The following POLR1F variants were observed in gnomAD, a reference collection of about 807,000 sequenced individuals.
The protein encoded by POLR1F is RNA polymerase I subunit F.
In POLR1F, 23 loss-of-function variants were observed where a neutral mutation model predicts 21.8. The ratio of observed to expected loss-of-function variants is 1.05; its 90% CI spans 0.76 to 1.49. The LOEUF (loss-of-function observed/expected upper bound fraction) is 1.49, where lower values mean the gene tolerates loss of function less well. Ranked by LOEUF, POLR1F falls within the 40% of genes most tolerant of loss-of-function variation. POLR1F has a pLI of 0.00. For synonymous variants in POLR1F, 162 were observed against 152.8 expected, an observed-to-expected ratio of 1.06 and a Z score of -0.45; for missense variants, 435 against 412.1, an observed-to-expected ratio of 1.06 and a Z score of -0.48.
chr7:19,697,626 G>A lies in POLR1F; in HGVS notation c.*690C>T, dbSNP rs1189416401. 2 of 152,258 alleles carry A rather than the reference G, an allele frequency of 1.3e-5. No individual in the cohort carries two copies. The highest frequency in any genetic ancestry group is 2.9e-5 in the Non-Finnish European group (2 of 67,994). 9.4% of individuals were successfully genotyped at this position (152,258 alleles called of 1,614,324 possible). A position where few individuals can be genotyped will look rare whatever the true frequency, so the allele number is the denominator to read the frequency against. ...AACACACAACAAAACTAGAATGGCT[G>A]AGGCACAAATGAACAAGTACAAGAA... On this transcript the variant is annotated 3_prime_UTR_variant, in exon 4 of 4. Transcript: ENST00000222567.
chr7:19,708,715 G>A (rs746073244), intron 1 of POLR1F, 48 bp downstream of exon 1: 1 of 1,574,264 alleles, frequency 6.4e-7, no homozygotes, highest in Non-Finnish European at 8.7e-7. Context: ...ACATCCACCT[G>A]CTTTACTTCC....
At chr7:19,708,732 C>T in intron 1 of POLR1F, 31 bp downstream of exon 1, 1 of 1,586,456 alleles carries the variant, frequency 6.3e-7, no homozygotes, top group Non-Finnish European at 8.6e-7. Flanking sequence ...TTCCCGTGCA[C>T]AAAAGAAGGA....
chr7:19,703,824 C>G (rs1156565968), intron 2 of POLR1F, among the ~76,000 whole-genome samples: 1 of 152,102 alleles, frequency 6.6e-6, no homozygotes, highest in Non-Finnish European at 1.5e-5. Context: ...AAACTCCTGG[C>G]CTCAAGTGAT....
chr7:19,695,488 A>G lies in POLR1F; in HGVS notation c.*2828T>C, dbSNP rs1454609675. 1 of 151,806 alleles carries G rather than the reference A, an allele frequency of 6.6e-6. No homozygotes were observed. Among genetic ancestry groups the G allele is most frequent in the African/African-American group, 2.4e-5 (1 of 41,368 alleles). 9.4% of individuals were successfully genotyped at this position (151,806 alleles called of 1,614,324 possible). A position where few individuals can be genotyped will look rare whatever the true frequency, so the allele number is the denominator to read the frequency against. On this transcript the variant is annotated 3_prime_UTR_variant, in exon 4 of 4. Transcript: ENST00000222567. ...CCATTTGAAACTGTGCTTTTTATTT[A>G]TCAATTTAAAATTATCTGTTGATGC...
chr7:19,699,171 G>C (rs1783418029), intron 3 of POLR1F, among the ~76,000 whole-genome samples: 2 of 152,122 alleles, frequency 1.3e-5, no homozygotes, highest in Non-Finnish European at 2.9e-5. Flanking sequence ...GGAGTTTCCA[G>C]TCTACTATTT....
In POLR1F at chr7:19,698,385, A is replaced by C; in HGVS notation, c.948T>G (p.Ser316Arg). 1.3e-6 allele frequency: 2 copies of C among 1,596,688 alleles called. No individual in the cohort carries two copies. The highest frequency in any genetic ancestry group is 1.7e-6 in the Non-Finnish European group (2 of 1,175,962). ...HKKKKKKRKH[S>R]EEAEFTPPLK... ...AAGGTGGGGTAAATTCGGCCTCTTC[A>C]CTGTGTTTTCTTTTCTTTTTTTTCT... Residue 316 changes from serine (S) to arginine (R), a missense_variant, in exon 4 of 4, where the codon AGT becomes AGG. Physicochemically the swap from Ser to Arg is moderately radical, Grantham distance 110. Transcript: ENST00000222567.
At chr7:19,705,498 A>C (rs984841367) in intron 1 of POLR1F, 3 of 152,714 alleles carry the variant, frequency 2.0e-5, no homozygotes, top group African/African-American at 7.2e-5. Flanking sequence ...ATTATTCACC[A>C]TTACTGAATT....
At chr7:19,704,950 C>G (rs1361676725) in intron 1 of POLR1F, 30 bp from the exon 2 acceptor site, 4 of 1,535,592 alleles carry the variant, frequency 2.6e-6, no homozygotes, top group Non-Finnish European at 3.5e-6. Context: ...AAAATGATAC[C>G]TTTTATCGTC....
Position 19,704,933 on chromosome 7 carries a change from A to AAAG in POLR1F, c.255-16_255-14dup, listed in dbSNP as rs756695753. ...GACACCTAAAAGGCTGTAAAAAGAA[A>AAAG]AAGTTGAAAATGATACCTTTTATCG... On this transcript the variant is annotated splice_polypyrimidine_tract_variant and intron_variant, in intron 1 of 3. Coordinates refer to ENST00000222567, the MANE Select transcript of POLR1F (RefSeq NM_001002926.2). 4.5e-6 allele frequency: 7 copies of AAAG among 1,551,468 alleles called. No individual in the cohort carries two copies. In the African/African-American group the frequency reaches 9.9e-5, roughly 22 times the overall value.
intron 3 of POLR1F, among the ~76,000 whole-genome samples, chr7:19,699,146 A>G (rs527462375): frequency 1.2e-4 from 18 of 152,292 alleles, no homozygotes; most frequent in African/African-American, 4.1e-4. Flanking sequence ...ATGATCTGGT[A>G]TTTATCAAAG....
chr7:19,698,785 T>C, intron 3 of POLR1F, 58 bp from the exon 4 acceptor site: 13 of 1,400,076 alleles, frequency 9.3e-6, no homozygotes, highest in Non-Finnish European at 1.2e-5. Context: ...AAAGAACAAA[T>C]TGAGATCAAG....
chr7:19,699,936 G>A (rs946984865), intron 3 of POLR1F, 136 bp downstream of exon 3: 7 of 684,112 alleles, frequency 1.0e-5, no homozygotes, highest in Admixed American at 8.5e-5. Context: ...TTTATGGTTT[G>A]AAAGCATGAA....
At chr7:19,703,432 TTA>T (rs1783470453) in intron 2 of POLR1F, among the ~76,000 whole-genome samples, 1 of 152,186 alleles carries the variant, frequency 6.6e-6, no homozygotes, top group Admixed American at 6.5e-5. Flanking sequence ...TATGTAAATT[TTA>T]TCTCACCAAA....
chr7:19,700,979 G>A (rs537238018), intron 2 of POLR1F, among the ~76,000 whole-genome samples: 35 of 152,268 alleles, frequency 2.3e-4, no homozygotes, highest in Middle Eastern at 6.8e-3. Context: ...TATATACAAA[G>A]CATATAAATG....
rs1783524082 is a variant in POLR1F, at chr7:19,706,325, A to G, written c.255-1405T>C. On this transcript the variant is annotated intron_variant, in intron 1 of 3. Transcript: ENST00000222567. ...ATGTTAGGGACACAGAAAACAGAGA[A>G]TAGGAAGAAAAATTAACTGCCATAC... is the stretch of plus-strand genomic sequence containing the variant. 4.6e-5 allele frequency among the ~76,000 whole-genome samples: 7 copies of G among 152,322 alleles called. No homozygotes were observed. In the South Asian group the frequency reaches 1.4e-3, roughly 32 times the overall value.
chr7:19,698,904 T>G (rs184468003), intron 3 of POLR1F, among the ~76,000 whole-genome samples, 177 bp from the exon 4 acceptor site: 1 of 152,124 alleles, frequency 6.6e-6, no homozygotes, highest in African/African-American at 2.4e-5. Flanking sequence ...CACTAAAATA[T>G]GTATGGGCTG....
intron 1 of POLR1F, among the ~76,000 whole-genome samples, chr7:19,705,885 T>G (rs72591431): frequency 0.13 from 20,135 of 152,034 alleles, 1,957 homozygotes; most frequent in East Asian, 0.48. Context: ...AAACAAAACC[T>G]GGTGGCTTCA....
rs1373723725 is a variant in POLR1F at position 19,696,015 on chromosome 7, G to A, written c.*2301C>T. On this transcript the variant is annotated 3_prime_UTR_variant, in exon 4 of 4. Coordinates refer to ENST00000222567, the MANE Select transcript of POLR1F (RefSeq NM_001002926.2). Reference sequence around the variant, plus strand: ...TTCTGTATCACTGGTGACTAGTGAGGTGTCTTGCACAGTGAAATGGGTGAA... The same window carrying A: ...TTCTGTATCACTGGTGACTAGTGAGATGTCTTGCACAGTGAAATGGGTGAA... 2 of 152,154 alleles carry A rather than the reference G, an allele frequency of 1.3e-5. No homozygotes were observed. The highest frequency in any genetic ancestry group is 2.9e-5 in the Non-Finnish European group (2 of 67,984). The allele number at this position is 152,154 out of a possible 1,614,324, so 9.4% of individuals were successfully genotyped here.
chr7:19,704,150 T>C (rs915697919), intron 2 of POLR1F, among the ~76,000 whole-genome samples: 2 of 152,212 alleles, frequency 1.3e-5, no homozygotes, highest in African/African-American at 4.8e-5. Flanking sequence ...TCTATTAAAA[T>C]ATTTATCAGC....
Sources: allele counts gnomAD v4.1 joint callset (sites outside exome capture counted in the v4.1 genomes callset), GRCh38; gene constraint gnomAD v4.1.1; transcripts MANE v1.5; gene names NCBI Gene and HGNC (gene_info 2026-07-23, HGNC 2026-07-21).